The following STX3 variants were observed in gnomAD, a reference collection of about 807,000 sequenced individuals.
STX3 encodes the protein syntaxin 3.
STX3 carries 19 observed loss-of-function variants against 40.2 expected under a neutral mutation model. The observed-to-expected ratio is 0.47, with a 90% CI of 0.33 to 0.69. The LOEUF (loss-of-function observed/expected upper bound fraction) is 0.69, where lower values mean the gene tolerates loss of function less well. STX3 is among the 30% of genes least tolerant of loss of function. STX3 has a pLI of 0.02. For missense variants in STX3, 364 were observed against 366.7 expected (o/e 0.99, Z 0.06); for synonymous variants, 122 against 132.2 (o/e 0.92, Z 0.53).
At chr11:59,776,490 A>G (rs1341687570) in intron 2 of STX3, among the ~76,000 whole-genome samples, 11 of 152,168 alleles carry the variant, frequency 7.2e-5, no homozygotes, top group Non-Finnish European at 1.3e-4. Flanking sequence ...GTTTCAGAGA[A>G]TAGAGATTTG....
At position 59,802,167 on chromosome 11, in the gene STX3, A is replaced by G. The variant is rs141022527; in HGVS notation, c.*1343A>G. 1.2e-4 allele frequency: 121 copies of G among 985,456 alleles called. 1 individual carries two copies. In the East Asian group the frequency reaches 9.4e-3, roughly 77 times the overall value. 61.0% of individuals were successfully genotyped at this position (985,456 alleles called of 1,614,324 possible). Reference sequence around the variant, plus strand: ...AGTTGGGGAACACCAGAGGCTACACAGTAGCTCTTCCTGCTACTCGGTTAA... The same window carrying G: ...AGTTGGGGAACACCAGAGGCTACACGGTAGCTCTTCCTGCTACTCGGTTAA... On this transcript the variant is annotated 3_prime_UTR_variant, in exon 11 of 11. Coordinates refer to ENST00000337979, the MANE Select transcript of STX3 (RefSeq NM_004177.5).
chr11:59,761,589 C>A (rs1863037838), intron 1 of STX3, among the ~76,000 whole-genome samples: 2 of 152,284 alleles, frequency 1.3e-5, no homozygotes, highest in South Asian at 4.1e-4. Flanking sequence ...CCCTGAGGGG[C>A]CTTACCTCCA....
intron 1 of STX3, among the ~76,000 whole-genome samples, chr11:59,759,772 C>A (rs561281953): frequency 4.5e-4 from 68 of 152,318 alleles, no homozygotes; most frequent in Non-Finnish European, 7.6e-4. Flanking sequence ...TCCTTCCCCA[C>A]TGGAAGCTCC....
rs754600368 is a variant in STX3 at position 59,797,343 on chromosome 11, G to A, written c.847G>A (p.Gly283Arg). Residue 283 changes from glycine to arginine, a missense_variant, in exon 10 of 11, where the codon GGA becomes AGA. Physicochemically the swap from Gly to Arg is moderately radical, Grantham distance 125. Transcript: ENST00000337979. The part of the protein sequence containing the change: ...VLLGILALII[G>R]LSVGLN ...GCTGGGCATTTTAGCATTGATTATT[G>A]GACTTTCCGTTGGGCTGAATTAAGA... 5.6e-6 allele frequency: 9 copies of A among 1,613,882 alleles called. No individual in the cohort carries two copies. The highest frequency in any genetic ancestry group is 6.8e-6 in the Non-Finnish European group (8 of 1,179,986).
At chr11:59,789,313 A>G (rs1314619596) in intron 4 of STX3, 2 of 172,370 alleles carry the variant, frequency 1.2e-5, no homozygotes, top group Non-Finnish European at 2.4e-5. Context: ...CAGTGGTGTG[A>G]TCTCGGCTTA....
rs1287300944 is a variant in STX3 at position 59,803,283 on chromosome 11, C to T, written c.*2459C>T. 2 of 1,231,564 alleles carry T rather than the reference C, an allele frequency of 1.6e-6. No individual in the cohort carries two copies. The highest frequency in any genetic ancestry group is 3.1e-4 in the Middle Eastern group (1 of 3,230). 76.3% of individuals were successfully genotyped at this position (1,231,564 alleles called of 1,614,324 possible). On this transcript the variant is annotated 3_prime_UTR_variant, in exon 11 of 11. Coordinates refer to ENST00000337979, the MANE Select transcript of STX3 (RefSeq NM_004177.5). ...TCATCTTAGCTTCCACCATTGGGAG[C>T]ATATTTGCCTGAAAAAGGTGAGCCA... is the stretch of plus-strand genomic sequence containing the variant.
At chr11:59,791,848 G>C (rs1040043151) in intron 5 of STX3, among the ~76,000 whole-genome samples, 15 of 152,170 alleles carry the variant, frequency 9.9e-5, no homozygotes, top group African/African-American at 3.4e-4. Flanking sequence ...CAGAGATTTA[G>C]AGATGACCTC....
intron 10 of STX3, among the ~76,000 whole-genome samples, chr11:59,798,835 G>A (rs1865695036): frequency 2.6e-5 from 4 of 151,710 alleles, no homozygotes. Flanking sequence ...TAATAGTAGT[G>A]AGCATATCAA....
chr11:59,798,785 A>AT (rs1367295319), intron 10 of STX3, among the ~76,000 whole-genome samples: 1 of 152,156 alleles, frequency 6.6e-6, no homozygotes, highest in African/African-American at 2.4e-5. Context: ...AAGTGCTAGG[A>AT]TTACAGGCGT....
intron 10 of STX3, among the ~76,000 whole-genome samples, chr11:59,798,587 T>G (rs917369804): frequency 1.3e-5 from 2 of 151,726 alleles, no homozygotes; most frequent in African/African-American, 4.8e-5. Context: ...TGGCGCGATC[T>G]CAGCTCACTG....
rs561892234 is a variant in STX3 at position 59,801,619 on chromosome 11, A to G, written c.*795A>G. 1.3e-4 allele frequency: 127 copies of G among 985,568 alleles called. No individual in the cohort carries two copies. In the Middle Eastern group the frequency reaches 1.6e-3, roughly 12 times the overall value. The allele number at this position is 985,568 out of a possible 1,614,324, so 61.1% of individuals were successfully genotyped here. A position where few individuals can be genotyped will look rare whatever the true frequency, so the allele number is the denominator to read the frequency against. ...TTAGAAAGTGATGCTTTGTGAGACTATTGTCTTGGGGCCAAAAATAATCAG... is the reference window on the plus strand; with the variant it reads ...TTAGAAAGTGATGCTTTGTGAGACTGTTGTCTTGGGGCCAAAAATAATCAG... On this transcript the variant is annotated 3_prime_UTR_variant, in exon 11 of 11. Coordinates refer to ENST00000337979, the MANE Select transcript of STX3 (RefSeq NM_004177.5).
In STX3 at chr11:59,801,862, G is replaced by A. The variant is rs2135053876; in HGVS notation, c.*1038G>A. ...AACTTTGAGCTAGGATAAAAATTGG[G>A]TAAAGGACATTTGCTTACCTGCAAA... On this transcript the variant is annotated 3_prime_UTR_variant, in exon 11 of 11. Transcript: ENST00000337979. 1 of 985,458 alleles carries A rather than the reference G, an allele frequency of 1.0e-6. No homozygotes were observed. Among genetic ancestry groups the A allele is most frequent in the South Asian group, 4.7e-5 (1 of 21,280 alleles). The allele number at this position is 985,458 out of a possible 1,614,324, so 61.0% of individuals were successfully genotyped here.
chr11:59,793,004 T>TA, intron 6 of STX3, 95 bp from the exon 7 acceptor site: 2 of 1,264,826 alleles, frequency 1.6e-6, no homozygotes, highest in Non-Finnish European at 2.3e-6. Context: ...GCCACGGTCT[T>TA]TATAGGGAAG....
intron 1 of STX3, among the ~76,000 whole-genome samples, chr11:59,770,052 T>A (rs1165997938): frequency 1.4e-5 from 2 of 146,928 alleles, no homozygotes; most frequent in East Asian, 4.1e-4. Context: ...GTATGTGGAA[T>A]GGGTGTGGGC....
intron 1 of STX3, among the ~76,000 whole-genome samples, chr11:59,770,034 ATGTG>A (rs555130242): frequency 1.3e-3 from 149 of 112,928 alleles, no homozygotes; most frequent in African/African-American, 5.1e-3. Context: ...TGTGTGTGGG[ATGTG>A]TGTGTATGTG....
intron 2 of STX3, among the ~76,000 whole-genome samples, chr11:59,777,278 A>C (rs139663529): frequency 3.9e-5 from 6 of 152,204 alleles, no homozygotes; most frequent in Admixed American, 2.6e-4. Context: ...TTTTTTGCAC[A>C]TACACATACC....
chr11:59,756,599 A>T (rs893557880), intron 1 of STX3, among the ~76,000 whole-genome samples: 2 of 152,172 alleles, frequency 1.3e-5, no homozygotes, highest in Admixed American at 6.5e-5. Flanking sequence ...GCCCCGCAGA[A>T]TCAGAATCTA....
chr11:59,763,692 A>G (rs1442343016), intron 1 of STX3, among the ~76,000 whole-genome samples: 1 of 152,228 alleles, frequency 6.6e-6, no homozygotes, highest in Non-Finnish European at 1.5e-5. Context: ...TGGGCTAAAG[A>G]TAAATCAAAG....
chr11:59,761,021 C>T (rs896681241), intron 1 of STX3, among the ~76,000 whole-genome samples: 1 of 152,144 alleles, frequency 6.6e-6, no homozygotes, highest in Non-Finnish European at 1.5e-5. Flanking sequence ...ACTTATTTTT[C>T]TTGCTCCATT....
Sources: gnomAD v4.1 joint callset for allele counts (sites outside exome capture counted in the v4.1 genomes callset) on GRCh38, gnomAD v4.1.1 for gene constraint, MANE v1.5 for transcripts, NCBI Gene and HGNC (gene_info 2026-07-23, HGNC 2026-07-21) for gene names.